The following NPHP4 variants were observed in gnomAD, a reference collection of about 807,000 sequenced individuals.
The protein encoded by NPHP4 is nephrocystin 4.
NPHP4 carries 151 observed loss-of-function variants against 155.8 expected under a neutral mutation model. The ratio of observed to expected loss-of-function variants is 0.97; its 90% CI spans 0.85 to 1.11. The LOEUF is 1.11. Ranked by LOEUF, NPHP4 falls within the 50% of genes least tolerant of loss-of-function variation. NPHP4 has a pLI of 0.00. For missense variants in NPHP4, 1,956 were observed against 1,925.7 expected, an observed-to-expected ratio of 1.02 and a Z score of -0.29; for synonymous variants, 845 against 816.8, an observed-to-expected ratio of 1.03 and a Z score of -0.59.
rs1041168838 is a variant in NPHP4, at chr1:5,866,456, G to A, written c.3561C>T (p.Gly1187=). 7.6e-6 allele frequency: 12 copies of A among 1,583,804 alleles called. No individual in the cohort carries two copies. In the African/African-American group the frequency reaches 1.6e-4, roughly 21 times the overall value. Residue 1187 remains glycine, a splice_region_variant and synonymous_variant, in exon 26 of 30, where the codon GGC becomes GGT. Coordinates refer to ENST00000378156, the MANE Select transcript of NPHP4 (RefSeq NM_015102.5). ...GAAATATGTCCCGTGGTTCCCCGGG[G>A]CCCTGCCAACCAGATGTGCAGCACA... is the stretch of plus-strand genomic sequence containing the variant. ...PNVICETQNV[G]PGEPRDIFLK... is the part of the protein sequence containing the mutation.
intron 11 of NPHP4, among the ~76,000 whole-genome samples, chr1:5,923,225 AG>A (rs1645835070): frequency 6.6e-6 from 1 of 152,238 alleles, no homozygotes. Flanking sequence ...GACTATTAAC[AG>A]GACTTCTACT....
chr1:5,878,609 C>A (rs1642867768), intron 19 of NPHP4, among the ~76,000 whole-genome samples: 1 of 152,208 alleles, frequency 6.6e-6, no homozygotes, highest in African/African-American at 2.4e-5. Flanking sequence ...ATTGCAGAGC[C>A]TTGCCTCATG....
chr1:5,976,491 G>A (rs944777688), intron 3 of NPHP4, among the ~76,000 whole-genome samples: 7 of 152,204 alleles, frequency 4.6e-5, no homozygotes, highest in South Asian at 2.1e-4. Flanking sequence ...TGCCAGCACC[G>A]GGAACTCATG....
intron 9 of NPHP4, among the ~76,000 whole-genome samples, chr1:5,940,944 CTT>C (rs1017690557): frequency 6.6e-6 from 1 of 152,074 alleles, no homozygotes; most frequent in African/African-American, 2.4e-5. Flanking sequence ...AGCTAGACCT[CTT>C]GATACAAAAG....
intron 16 of NPHP4, among the ~76,000 whole-genome samples, chr1:5,896,536 TA>T (rs1346779437): frequency 6.6e-5 from 10 of 152,260 alleles, no homozygotes; most frequent in Admixed American, 2.6e-4. Context: ...TTAGGCAAGA[TA>T]AATAAGTAAA....
At chr1:5,989,457 C>T (rs916152365) in intron 1 of NPHP4, among the ~76,000 whole-genome samples, 2 of 152,206 alleles carry the variant, frequency 1.3e-5, no homozygotes, top group African/African-American at 4.8e-5. Flanking sequence ...CTGTGCTTCC[C>T]TTGGTCACAT....
Position 5,905,732 on chromosome 1 carries a change from G to C in NPHP4, c.1663C>G (p.Gln555Glu), listed in dbSNP as rs1369972493. 1.2e-6 allele frequency: 2 copies of C among 1,613,100 alleles called. No homozygotes were observed. The highest frequency in any genetic ancestry group is 8.5e-7 in the Non-Finnish European group (1 of 1,179,492). ...GATGTTTCCAGGACCAGGGAGGTCT[G>C]GCTCAGGTCGGCTTCCAGGTGGGAG... is the stretch of plus-strand genomic sequence containing the variant. ...GISHLEADLS[Q>E]TSLVLETSIA... The change falls in exon 14 of 30, where the codon CAG becomes GAG. Residue 555 changes from glutamine (Q) to glutamate (E), a missense_variant. Physicochemically the swap from Gln to Glu is conservative, Grantham distance 29. Coordinates refer to ENST00000378156, the MANE Select transcript of NPHP4 (RefSeq NM_015102.5). The surrounding 1 kb of genome is among the most constrained non-coding windows in gnomAD (Gnocchi z 4.0).
At chr1:5,959,452 T>C (rs1285359224) in intron 6 of NPHP4, among the ~76,000 whole-genome samples, 1 of 152,132 alleles carries the variant, frequency 6.6e-6, no homozygotes, top group Admixed American at 6.5e-5. Flanking sequence ...CACAAGACAC[T>C]AGGAACAAAA....
At chr1:5,914,926 C>T (rs577071429) in intron 11 of NPHP4, among the ~76,000 whole-genome samples, 1 of 152,306 alleles carries the variant, frequency 6.6e-6, no homozygotes, top group Non-Finnish European at 1.5e-5. Flanking sequence ...ACCTCCCCCC[C>T]GCACCCTGAA....
At chr1:5,879,676 T>C (rs149858864) in intron 19 of NPHP4, 99 of 504,590 alleles carry the variant, frequency 2.0e-4, no homozygotes, top group Middle Eastern at 6.6e-4. Flanking sequence ...CGGTGGGGCC[T>C]GTGGGTCCAC....
Position 5,905,642 on chromosome 1 carries a change from G to C in NPHP4, c.1753C>G (p.Gln585Glu), listed in dbSNP as rs1557700402. The change falls in exon 14 of 30, where the codon CAG (glutamine) becomes GAG (glutamate). Residue 585 changes from glutamine to glutamate, a missense_variant. Coordinates refer to ENST00000378156, the MANE Select transcript of NPHP4 (RefSeq NM_015102.5). The surrounding 1 kb of genome is among the most constrained non-coding windows in gnomAD (Gnocchi z 4.0). ...PLHAPIVVGT[Q>E]TRSSAGQPSR... is the part of the protein sequence containing the mutation. The stretch of plus-strand genomic sequence containing the variant: ...AGACCCACACCTCACCTCCTGGTCT[G>C]GGTTCCCACAACAATAGGGGCATGC... 6.2e-7 allele frequency: 1 copy of C among 1,613,906 alleles called. No homozygotes were observed. Among genetic ancestry groups the C allele is most frequent in the Admixed American group, 1.7e-5 (1 of 59,998 alleles).
chr1:5,890,334 G>A lies in NPHP4; in HGVS notation c.2304+534C>T, dbSNP rs2100911373. Among the ~76,000 whole-genome samples, 1 of 152,220 alleles carries A rather than the reference G, an allele frequency of 6.6e-6. No homozygotes were observed. The highest frequency in any genetic ancestry group is 1.9e-4 in the East Asian group (1 of 5,182). On this transcript the variant is annotated intron_variant, in intron 17 of 29. Transcript: ENST00000378156. This position sits in a 1 kb window ranked among gnomAD's most constrained non-coding sequence, Gnocchi z 4.9. Reference sequence around the variant, plus strand: ...CCCCTTCATACAATGGAGAAGGCTTGGGAAGAATTCCAGGGAAGACGAGTG... The same window carrying A: ...CCCCTTCATACAATGGAGAAGGCTTAGGAAGAATTCCAGGGAAGACGAGTG...
intron 6 of NPHP4, among the ~76,000 whole-genome samples, chr1:5,957,301 C>T (rs916643133): frequency 6.6e-6 from 1 of 152,226 alleles, no homozygotes; most frequent in African/African-American, 2.4e-5. Flanking sequence ...CCAGCAAACC[C>T]TTCACAAGCA....
At chr1:5,899,353 A>C (rs891855057) in intron 16 of NPHP4, among the ~76,000 whole-genome samples, 2 of 152,220 alleles carry the variant, frequency 1.3e-5, no homozygotes, top group East Asian at 3.8e-4. Flanking sequence ...ACTGCTATAG[A>C]CAGAACAGGG....
intron 1 of NPHP4, among the ~76,000 whole-genome samples, chr1:5,991,771 G>GC (rs1189908068): frequency 6.6e-6 from 1 of 152,020 alleles, no homozygotes; most frequent in African/African-American, 2.4e-5. Context: ...CGGAGCTGGA[G>GC]CCGGGGGGCG....
intron 5 of NPHP4, among the ~76,000 whole-genome samples, chr1:5,963,650 C>T (rs1173258283): frequency 2.0e-5 from 3 of 151,060 alleles, no homozygotes; most frequent in African/African-American, 7.3e-5. Context: ...AGGGGAAGGG[C>T]GGACGCCCAC....
rs141269350 is a variant in NPHP4 at position 5,911,102 on chromosome 1, T to C, written c.1442-1889A>G. Among the ~76,000 whole-genome samples, 204 of 152,310 alleles carry C rather than the reference T, an allele frequency of 1.3e-3. 1 individual carries two copies. The highest frequency in any genetic ancestry group is 2.3e-3 in the Admixed American group (35 of 15,298). Reference sequence around the variant, plus strand: ...CACGTGCTCGGAGGGAGTTAGCAAATGATCTAGCAAGCTCTGCTTCCCCAG... The same window carrying C: ...CACGTGCTCGGAGGGAGTTAGCAAACGATCTAGCAAGCTCTGCTTCCCCAG... On this transcript the variant is annotated intron_variant, in intron 11 of 29. Transcript: ENST00000378156.
At position 5,920,411 on chromosome 1, in the gene NPHP4, G is replaced by A. The variant is rs1249322056; in HGVS notation, c.1441+7238C>T. Among the ~76,000 whole-genome samples, 4 of 152,206 alleles carry A rather than the reference G, an allele frequency of 2.6e-5. No homozygotes were observed. The South Asian group carries it at 6.2e-4, about 24-fold the overall frequency. On this transcript the variant is annotated intron_variant, in intron 11 of 29. Transcript: ENST00000378156. ...AGACTCTGGGGTCCAGAGGAGCTCC[G>A]TAGAGATGTGCTCCAGCTGCTCCTG...
In NPHP4 at chr1:5,890,303, T is replaced by C. The variant is rs892507615; in HGVS notation, c.2304+565A>G. On this transcript the variant is annotated intron_variant, in intron 17 of 29. Coordinates refer to ENST00000378156, the MANE Select transcript of NPHP4 (RefSeq NM_015102.5). This position sits in a 1 kb window ranked among gnomAD's most constrained non-coding sequence, Gnocchi z 4.9. ...CCAGTCCTTGGCCCAAGAGTTGTCATGGGGTCCCCTTCATACAATGGAGAA... is the reference window on the plus strand; with the variant it reads ...CCAGTCCTTGGCCCAAGAGTTGTCACGGGGTCCCCTTCATACAATGGAGAA... Among the ~76,000 whole-genome samples the C allele has an allele frequency of 3.9e-5, 6 of 152,156 alleles. No homozygotes were observed. The highest frequency in any genetic ancestry group is 1.4e-4 in the African/African-American group (6 of 41,432).
Sources: gnomAD v4.1 joint callset for allele counts (sites outside exome capture counted in the v4.1 genomes callset) on GRCh38, gnomAD v4.1.1 for gene constraint, Gnocchi (gnomAD v3.1) non-coding constraint, MANE v1.5 for transcripts, NCBI Gene and HGNC (gene_info 2026-07-23, HGNC 2026-07-21) for gene names.